The following IGSF8 variants were observed in gnomAD, a reference collection of about 807,000 sequenced individuals.
IGSF8 encodes immunoglobulin superfamily member 8.
IGSF8 carries 46 observed loss-of-function variants against 55.5 expected under a neutral mutation model. That is an observed-to-expected ratio of 0.83 (90% CI 0.65 to 1.06). The LOEUF is 1.06. IGSF8 is among the 50% of genes least tolerant of loss of function. The pLI is 0.00. For missense variants in IGSF8, 731 were observed against 832.3 expected, an observed-to-expected ratio of 0.88 and a Z score of 1.50; for synonymous variants, 314 against 356.1, an observed-to-expected ratio of 0.88 and a Z score of 1.33.
At chr1:160,093,689 G>A (rs1352596004) in intron 3 of IGSF8, 21 bp downstream of exon 3, 1 of 1,565,780 alleles carries the variant, frequency 6.4e-7, no homozygotes, top group South Asian at 1.2e-5. Flanking sequence ...TCCCACAGTG[G>A]GATGTATAAG....
At position 160,094,843 on chromosome 1, in the gene IGSF8, C is replaced by A; in HGVS notation, c.442+26G>T. On this transcript the variant is annotated intron_variant, in intron 2 of 6. Transcript: ENST00000314485. This position sits in a 1 kb window ranked among gnomAD's most constrained non-coding sequence, Gnocchi z 4.0. ...CTTTCTGCCTTGAGAGGGTGTGTGG[C>A]TCCACCCCGTCCCAGGGCCCAGTAC... is the stretch of plus-strand genomic sequence containing the variant. The A allele has an allele frequency of 1.3e-6, 2 of 1,590,928 alleles. No homozygotes were observed. The highest frequency in any genetic ancestry group is 1.1e-5 in the South Asian group (1 of 87,912).
Position 160,093,998 on chromosome 1 carries a change from C to G in IGSF8, c.616G>C (p.Val206Leu). 1 of 1,614,256 alleles carries G rather than the reference C, an allele frequency of 6.2e-7. No homozygotes were observed. Among genetic ancestry groups the G allele is most frequent in the South Asian group, 1.1e-5 (1 of 91,092 alleles). Residue 206 changes from valine to leucine, a missense_variant, in exon 3 of 7, where the codon GTG becomes CTG. Val to Leu is a conservative substitution (Grantham distance 32, BLOSUM62 1). Coordinates refer to ENST00000314485, the MANE Select transcript of IGSF8 (RefSeq NM_052868.6). ...THLAVSFGRS[V>L]PEAPVGRSTL... The stretch of plus-strand genomic sequence containing the variant: ...GACCGCCCAACTGGTGCCTCGGGCA[C>G]AGATCGCCCAAAGGACACTGCCAGG...
chr1:160,094,138 G>T lies in IGSF8; in HGVS notation c.476C>A (p.Pro159His), dbSNP rs201995422. 6.9e-6 allele frequency: 11 copies of T among 1,604,390 alleles called. No individual in the cohort carries two copies. In the South Asian group the frequency reaches 7.7e-5, roughly 11 times the overall value. ...LPDVLQVSAA[P>H]PGPRGRQAPT... ...GGCCTGGCGGCCTCGGGGCCCTGGG[G>T]GGGCAGCAGACACCTGGAGGACATC... is the stretch of plus-strand genomic sequence containing the variant. The change falls in exon 3 of 7, where the codon CCC (proline) becomes CAC (histidine). Residue 159 changes from proline to histidine, a missense_variant. By Grantham distance (77) the Pro-to-His change is moderately conservative. Coordinates refer to ENST00000314485, the MANE Select transcript of IGSF8 (RefSeq NM_052868.6). This position sits in a 1 kb window ranked among gnomAD's most constrained non-coding sequence, Gnocchi z 4.0.
chr1:160,092,724 G>A, intron 4 of IGSF8, 29 bp from the exon 5 acceptor site: 1 of 1,595,886 alleles, frequency 6.3e-7, no homozygotes, highest in Non-Finnish European at 8.5e-7. Context: ...GGGGTCAGAG[G>A]GTGCAGGGCC....
intron 1 of IGSF8, among the ~76,000 whole-genome samples, chr1:160,097,289 G>C (rs1650497942): frequency 6.6e-6 from 1 of 152,154 alleles, no homozygotes; most frequent in Non-Finnish European, 1.5e-5. Context: ...AACACACCAA[G>C]TGCTAGGCAA....
chr1:160,092,010 C>T, intron 5 of IGSF8, 72 bp from the exon 6 acceptor site: 1 of 1,109,094 alleles, frequency 9.0e-7, no homozygotes, highest in Non-Finnish European at 1.4e-6. Flanking sequence ...TCTGCGCTTT[C>T]CCCATCAAGT....
Position 160,092,540 on chromosome 1 carries a change from T to A in IGSF8, c.1468A>T (p.Ser490Cys). ...CCCACCAGCTGGGCAGGGACAGAGCTGAGCTCTCCGTCCTCTGGTCGCTCC... is the reference window on the plus strand; with the variant it reads ...CCCACCAGCTGGGCAGGGACAGAGCAGAGCTCTCCGTCCTCTGGTCGCTCC... ...WVERPEDGEL[S>C]SVPAQLVGGV... is the part of the protein sequence containing the mutation. The change falls in exon 5 of 7, where the codon AGC (serine) becomes TGC (cysteine). Residue 490 changes from serine (S) to cysteine (C), a missense_variant. By Grantham distance (112) the Ser-to-Cys change is moderately radical. Transcript: ENST00000314485. 1 of 1,612,500 alleles carries A rather than the reference T, an allele frequency of 6.2e-7. No homozygotes were observed. The highest frequency in any genetic ancestry group is 8.5e-7 in the Non-Finnish European group (1 of 1,179,726).
chr1:160,091,808 C>G lies in IGSF8; in HGVS notation c.*15G>C, dbSNP rs778049692. The G allele has an allele frequency of 6.4e-7, 1 of 1,571,350 alleles. No homozygotes were observed. Among genetic ancestry groups the G allele is most frequent in the South Asian group, 1.1e-5 (1 of 90,250 alleles). ...AGGTTGGGGGGTTCTTTTCCCTCAC[C>G]TGGGGAGTAAGGGATCACCGTTTTC... On this transcript the variant is annotated splice_region_variant and 3_prime_UTR_variant, in exon 6 of 7. Transcript: ENST00000314485.
upstream of IGSF8, among the ~76,000 whole-genome samples, chr1:160,099,372 C>A (rs1650685314): frequency 6.6e-6 from 1 of 152,192 alleles, no homozygotes; most frequent in African/African-American, 2.4e-5. Flanking sequence ...TTCCTGAATG[C>A]GAAGGGTTTG....
chr1:160,092,960 G>C lies in IGSF8; in HGVS notation c.1276C>G (p.Arg426Gly), dbSNP rs142743789. The C allele has an allele frequency of 2.2e-5, 35 of 1,608,170 alleles. 1 individual carries two copies. Among genetic ancestry groups the C allele is most frequent in the Non-Finnish European group, 2.9e-5 (34 of 1,175,328 alleles). ...ACATGTACAGGGAGAGGCCGGGAAC[G>C]GGCACTGGCTGCTTCACGAAGCCGG... ...GTRLREAASA[R>G]SRPLPVHVRE... The change falls in exon 4 of 7, where the codon CGT becomes GGT. Residue 426 changes from arginine to glycine, a missense_variant. By Grantham distance (125) the Arg-to-Gly change is moderately radical (BLOSUM62 -2). Coordinates refer to ENST00000314485, the MANE Select transcript of IGSF8 (RefSeq NM_052868.6).
rs1364838336 is a variant in IGSF8 at position 160,091,942 on chromosome 1, G to A, written c.1727-4C>T. ...GGCACAAATAGGGTGTCCAGGGCTG[G>A]GGGAGAGAGGATGACTGTTCAGAGA... On this transcript the variant is annotated splice_polypyrimidine_tract_variant and splice_region_variant and intron_variant, in intron 5 of 6. Transcript: ENST00000314485. 1.9e-6 allele frequency: 3 copies of A among 1,583,946 alleles called. No homozygotes were observed. The South Asian group carries it at 3.3e-5, about 18-fold the overall frequency.
chr1:160,098,372 C>A, intron 1 of IGSF8, 37 bp downstream of exon 1: 1 of 1,552,040 alleles, frequency 6.4e-7, no homozygotes, highest in East Asian at 2.4e-5. Context: ...GGCACCTGCC[C>A]GGCAGGGCCG....
chr1:160,098,734 C>T, upstream of IGSF8: 1 of 436,936 alleles, frequency 2.3e-6, no homozygotes, highest in Non-Finnish European at 4.1e-6. Flanking sequence ...AGGCCCGCCC[C>T]GCCCCGGACC....
chr1:160,092,112 C>T (rs1465678882), intron 5 of IGSF8, among the ~76,000 whole-genome samples, 170 bp downstream of exon 5: 1 of 152,188 alleles, frequency 6.6e-6, no homozygotes, highest in African/African-American at 2.4e-5. Context: ...CCACAGAGGA[C>T]CCCGTGCAGG....
chr1:160,095,316 C>T, intron 1 of IGSF8, 70 bp from the exon 2 acceptor site: 2 of 1,456,224 alleles, frequency 1.4e-6, no homozygotes, highest in Non-Finnish European at 1.8e-6. Context: ...GCCACAAGCA[C>T]CATTCTTGAT....
Position 160,093,923 on chromosome 1 carries a change from C to G in IGSF8, c.691G>C (p.Gly231Arg). ...GCCAATCGCTCAGCATAGGGAGCTC[C>G]AGCCTCCACGGCCAAGTCTGACCGG... ...GIRSDLAVEAGAPYAERLAAG... is the reference protein window; with the variant it reads ...GIRSDLAVEARAPYAERLAAG... Residue 231 changes from glycine (G) to arginine (R), a missense_variant, in exon 3 of 7, where the codon GGA (glycine) becomes CGA (arginine). Coordinates refer to ENST00000314485, the MANE Select transcript of IGSF8 (RefSeq NM_052868.6). The G allele has an allele frequency of 6.2e-7, 1 of 1,614,254 alleles. No individual in the cohort carries two copies. Among genetic ancestry groups the G allele is most frequent in the Non-Finnish European group, 8.5e-7 (1 of 1,180,052 alleles).
At position 160,095,078 on chromosome 1, in the gene IGSF8, A is replaced by T. The variant is rs765637315; in HGVS notation, c.233T>A (p.Ile78Asn). ...GAACTGGGTATCCTTGGTACTGACA[A>T]TGCCCAGTGCAGTATCTGGGGCCTC... Reference protein sequence around the residue: ...RPEAPDTALGIVSTKDTQFSY... With the variant: ...RPEAPDTALGNVSTKDTQFSY... The change falls in exon 2 of 7, where the codon ATT becomes AAT. Residue 78 changes from isoleucine to asparagine, a missense_variant. Transcript: ENST00000314485. 6.2e-7 allele frequency: 1 copy of T among 1,614,146 alleles called. No homozygotes were observed. Among genetic ancestry groups the T allele is most frequent in the South Asian group, 1.1e-5 (1 of 91,082 alleles).
chr1:160,092,625 C>T lies in IGSF8; in HGVS notation c.1383G>A (p.Leu461=), dbSNP rs958481567. ...GGCCACCCCGCACAGAGATGTTGCA[C>T]AGCAGGGAGGCAGTCTCCCCGCGGT... is the stretch of plus-strand genomic sequence containing the variant. The part of the protein sequence containing the change: ...TVYRGETASL[L]CNISVRGGPP... Residue 461 remains leucine (L), a synonymous_variant, in exon 5 of 7, where the codon CTG becomes CTA. Transcript: ENST00000314485. The T allele has an allele frequency of 6.2e-6, 10 of 1,604,840 alleles. 1 individual carries two copies. The Middle Eastern group carries it at 6.6e-4, about 106-fold the overall frequency.
rs963624217 is a variant in IGSF8, at chr1:160,093,157, G to A, written c.1079C>T (p.Ala360Val). The change falls in exon 4 of 7, where the codon GCC becomes GTC. Residue 360 changes from alanine to valine, a missense_variant. Transcript: ENST00000314485. ...GCCCACACCCTCTGTGTCCAGCTGG[G>A]CTACCAGGCGGCCGGGCCCAGGTGC... ...AGAPGPGRLV[A>V]QLDTEGVGSL... 1.9e-6 allele frequency: 3 copies of A among 1,613,662 alleles called. No homozygotes were observed. The highest frequency in any genetic ancestry group is 2.5e-6 in the Non-Finnish European group (3 of 1,179,814).
Sources: gnomAD v4.1 joint callset for allele counts (sites outside exome capture counted in the v4.1 genomes callset) on GRCh38, gnomAD v4.1.1 for gene constraint, Gnocchi (gnomAD v3.1) non-coding constraint, MANE v1.5 for transcripts, NCBI Gene and HGNC (gene_info 2026-07-23, HGNC 2026-07-21) for gene names.